The following PDE4D variants were observed in gnomAD, a reference collection of about 807,000 sequenced individuals.
PDE4D encodes the protein phosphodiesterase 4D, also known as 3',5'-cyclic-AMP phosphodiesterase 4D.
Under a neutral mutation model 87.4 loss-of-function variants are expected in PDE4D, and 24 were observed. The observed-to-expected ratio is 0.27, with a 90% CI of 0.20 to 0.39. The LOEUF is 0.39. Among genes scored for constraint, PDE4D ranks in the 10% least tolerant of loss-of-function variants. The pLI is 1.00. For missense variants in PDE4D, 714 were observed against 1,041.0 expected (o/e 0.69, Z 4.32); for synonymous variants, 384 against 383.2 (o/e 1.00, Z -0.02).
chr5:59,705,837 C>T (rs1364215325), intron 1 of PDE4D, among the ~76,000 whole-genome samples: 1 of 152,068 alleles, frequency 6.6e-6, no homozygotes, highest in Non-Finnish European at 1.5e-5. Flanking sequence ...CTCTACTTAT[C>T]CTCTTGTAGG....
At chr5:59,372,383 A>G (rs1332439517) in intron 1 of PDE4D, among the ~76,000 whole-genome samples, 1 of 152,214 alleles carries the variant, frequency 6.6e-6, no homozygotes, top group African/African-American at 2.4e-5. Context: ...CAAATAACTA[A>G]TTGAATCTAT....
At chr5:59,337,446 C>T (rs145498434) in intron 1 of PDE4D, among the ~76,000 whole-genome samples, 33 of 150,984 alleles carry the variant, frequency 2.2e-4, no homozygotes, top group African/African-American at 6.6e-4. Flanking sequence ...CATTCTCCTG[C>T]GTCAGCCTAA....
chr5:60,167,779 T>A (rs1783062858), intron 2 of PDE4D, among the ~76,000 whole-genome samples: 1 of 152,220 alleles, frequency 6.6e-6, no homozygotes, highest in Admixed American at 6.5e-5. Context: ...AAACAGTTAT[T>A]TTGAATTCTC....
At chr5:59,993,055 G>C (rs1482057890) in intron 2 of PDE4D, among the ~76,000 whole-genome samples, 2 of 152,088 alleles carry the variant, frequency 1.3e-5, no homozygotes, top group Admixed American at 6.5e-5. Flanking sequence ...ATGGCAGGGA[G>C]AAGATGGAAA....
intron 2 of PDE4D, among the ~76,000 whole-genome samples, chr5:60,139,823 C>T (rs1193025905): frequency 1.3e-5 from 2 of 151,760 alleles, no homozygotes; most frequent in Non-Finnish European, 2.9e-5. Flanking sequence ...TGCAAGAATC[C>T]ACATTGAAAT....
intron 3 of PDE4D, among the ~76,000 whole-genome samples, chr5:59,917,074 G>T (rs1416116190): frequency 6.6e-6 from 1 of 150,766 alleles, no homozygotes; most frequent in Non-Finnish European, 1.5e-5. Flanking sequence ...AAAGTGCTGG[G>T]ATTACAGGTG....
intron 1 of PDE4D, among the ~76,000 whole-genome samples, chr5:60,470,432 A>G (rs1374099636): frequency 6.6e-6 from 1 of 152,202 alleles, no homozygotes; most frequent in Non-Finnish European, 1.5e-5. Context: ...ACACTGAACA[A>G]CAGATTTTCA....
intron 5 of PDE4D, among the ~76,000 whole-genome samples, chr5:59,132,934 G>A (rs999246525): frequency 6.6e-6 from 1 of 152,060 alleles, no homozygotes; most frequent in Non-Finnish European, 1.5e-5. Flanking sequence ...ATTGCACCAG[G>A]GATTTCTTTA....
chr5:59,159,945 A>G (rs1055043675), intron 5 of PDE4D, among the ~76,000 whole-genome samples: 6 of 151,966 alleles, frequency 3.9e-5, no homozygotes, highest in Non-Finnish European at 8.8e-5. Flanking sequence ...ACTGTAGGGG[A>G]AAAAAAAGTC....
chr5:59,284,801 T>C (rs1238945958), intron 1 of PDE4D, among the ~76,000 whole-genome samples: 8 of 60,620 alleles, frequency 1.3e-4, no homozygotes, highest in Admixed American at 2.0e-4. Flanking sequence ...AGCAAAGACT[T>C]GGAACCAACC....
intron 1 of PDE4D, among the ~76,000 whole-genome samples, chr5:59,540,526 A>G (rs911759433): frequency 1.3e-4 from 20 of 152,162 alleles, no homozygotes; most frequent in African/African-American, 4.8e-4. Context: ...GTGGCAATTA[A>G]GCTGGCACAA....
intron 1 of PDE4D, among the ~76,000 whole-genome samples, chr5:60,519,400 C>G (rs769415328): frequency 1.3e-5 from 2 of 152,196 alleles, no homozygotes; most frequent in Non-Finnish European, 2.9e-5. Context: ...CAGTCTCTCT[C>G]CTTCCTAAAA....
At chr5:60,372,020 T>C (rs888553098) in intron 1 of PDE4D, among the ~76,000 whole-genome samples, 2 of 152,214 alleles carry the variant, frequency 1.3e-5, no homozygotes, top group African/African-American at 2.4e-5. Context: ...TTACATAGGT[T>C]CAGCCTTCGT....
intron 1 of PDE4D, among the ~76,000 whole-genome samples, chr5:59,650,349 A>G (rs1416657884): frequency 6.6e-6 from 1 of 152,154 alleles, no homozygotes; most frequent in Non-Finnish European, 1.5e-5. Flanking sequence ...TAATTCTTCT[A>G]TTCTGTTGAT....
intron 1 of PDE4D, among the ~76,000 whole-genome samples, chr5:60,326,027 G>A (rs74505648): frequency 9.0e-4 from 137 of 152,198 alleles, no homozygotes; most frequent in African/African-American, 3.0e-3. Flanking sequence ...GTAGTATTCC[G>A]TGGTGTAGAT....
In PDE4D at chr5:59,171,205, C is replaced by T. The variant is rs79965863; in HGVS notation, c.808+9390G>A. Reference sequence around the variant, plus strand: ...CTCATACTTTCACTTTAAAATTGTTCATCCTCAGTCTCTGCTCTAATCAAC... The same window carrying T: ...CTCATACTTTCACTTTAAAATTGTTTATCCTCAGTCTCTGCTCTAATCAAC... On this transcript the variant is annotated intron_variant, in intron 5 of 14. Transcript: ENST00000340635. Among the ~76,000 whole-genome samples, 7 of 152,112 alleles carry T rather than the reference C, an allele frequency of 4.6e-5. No individual in the cohort carries two copies. In the East Asian group the frequency reaches 1.4e-3, roughly 29 times the overall value.
intron 1 of PDE4D, among the ~76,000 whole-genome samples, chr5:59,850,761 A>G (rs1356871302): frequency 6.6e-6 from 1 of 152,000 alleles, no homozygotes; most frequent in Non-Finnish European, 1.5e-5. Flanking sequence ...GAAAGGGATG[A>G]CATTGGAAAC....
chr5:59,073,958 G>C (rs537736911), intron 5 of PDE4D, among the ~76,000 whole-genome samples: 53 of 152,276 alleles, frequency 3.5e-4, no homozygotes, highest in African/African-American at 1.2e-3. Context: ...TGACTAGAAA[G>C]AAGGAAAGAA....
chr5:60,199,723 G>T (rs1269781406), intron 1 of PDE4D, among the ~76,000 whole-genome samples: 2 of 151,692 alleles, frequency 1.3e-5, no homozygotes, highest in East Asian at 3.8e-4. Context: ...GTAGCTGAAT[G>T]AAAGAAACTT....
Sources: allele counts gnomAD v4.1 joint callset (sites outside exome capture counted in the v4.1 genomes callset), GRCh38; gene constraint gnomAD v4.1.1; transcripts MANE v1.5; gene names NCBI Gene and HGNC (gene_info 2026-07-23, HGNC 2026-07-21).